The following RALYL variants were observed in gnomAD, a reference collection of about 807,000 sequenced individuals.
RALYL encodes the protein RNA-binding Raly-like protein.
Under a neutral mutation model 35.1 loss-of-function variants are expected in RALYL, and 29 were observed. The ratio of observed to expected loss-of-function variants is 0.83; its 90% CI spans 0.61 to 1.13. The LOEUF (loss-of-function observed/expected upper bound fraction) is 1.13. RALYL is among the 50% of genes most tolerant of loss of function. RALYL has a pLI of 0.00. For synonymous variants in RALYL, 120 were observed against 127.6 expected (o/e 0.94, Z 0.40); for missense variants, 359 against 360.4 (o/e 1.00, Z 0.03).
intron 1 of RALYL, among the ~76,000 whole-genome samples, chr8:84,375,488 C>T (rs2131517267): frequency 6.6e-6 from 1 of 151,642 alleles, no homozygotes; most frequent in South Asian, 2.1e-4. Flanking sequence ...TATTTTATAC[C>T]TAATTTAATA....
intron 4 of RALYL, among the ~76,000 whole-genome samples, chr8:84,826,639 A>G (rs1217133035): frequency 6.6e-6 from 1 of 152,062 alleles, no homozygotes; most frequent in East Asian, 1.9e-4. Context: ...TTGACATTTG[A>G]CATGCCCAGT....
intron 2 of RALYL, among the ~76,000 whole-genome samples, chr8:84,631,840 T>C (rs1823973968): frequency 6.6e-6 from 1 of 151,966 alleles, no homozygotes; most frequent in Non-Finnish European, 1.5e-5. Flanking sequence ...CACAAAATTA[T>C]TTGTATGATT....
intron 7 of RALYL, among the ~76,000 whole-genome samples, chr8:84,878,345 T>C (rs905452881): frequency 3.9e-5 from 6 of 152,132 alleles, no homozygotes; most frequent in Admixed American, 1.3e-4. Flanking sequence ...TAGAAGAGTC[T>C]TCAGTTGAGA....
chr8:84,258,959 G>T (rs760157213), intron 1 of RALYL, among the ~76,000 whole-genome samples: 49 of 152,106 alleles, frequency 3.2e-4, no homozygotes, highest in Non-Finnish European at 5.7e-4. Flanking sequence ...CATATTGAAA[G>T]ACATTAATTT....
chr8:84,659,439 A>G (rs1830514579), intron 2 of RALYL, among the ~76,000 whole-genome samples: 1 of 152,084 alleles, frequency 6.6e-6, no homozygotes, highest in African/African-American at 2.4e-5. Context: ...ACCCCTGAAG[A>G]GTGAGCCTTT....
intron 2 of RALYL, among the ~76,000 whole-genome samples, chr8:84,572,200 G>T (rs1354283138): frequency 1.3e-5 from 2 of 150,922 alleles, no homozygotes; most frequent in Admixed American, 6.6e-5. Flanking sequence ...AGATGTTTGG[G>T]TCTTGTTTTT....
chr8:84,306,989 TG>T (rs1563704211), intron 1 of RALYL, among the ~76,000 whole-genome samples: 1 of 151,946 alleles, frequency 6.6e-6, no homozygotes, highest in Admixed American at 6.6e-5. Flanking sequence ...GGAGTGGATG[TG>T]GGGGGAATGA....
At chr8:84,253,479 C>T (rs535390269) in intron 1 of RALYL, among the ~76,000 whole-genome samples, 114 of 151,470 alleles carry the variant, frequency 7.5e-4, no homozygotes, top group African/African-American at 2.6e-3. Context: ...GGATTACAGG[C>T]GTGAGCCACT....
chr8:84,820,382 C>G (rs112408200), intron 4 of RALYL, among the ~76,000 whole-genome samples: 13 of 152,132 alleles, frequency 8.5e-5, no homozygotes, highest in Non-Finnish European at 1.5e-4. Flanking sequence ...TGCATAAGCT[C>G]TCACTCATGG....
chr8:84,428,077 G>GTGTCTC (rs2046703379), intron 1 of RALYL, among the ~76,000 whole-genome samples: 1 of 129,324 alleles, frequency 7.7e-6, no homozygotes, highest in Non-Finnish European at 1.7e-5. Context: ...CTTGCTCGCT[G>GTGTCTC]TCTCTCTCTC....
At chr8:84,487,496 A>G in intron 1 of RALYL, among the ~76,000 whole-genome samples, 1 of 152,096 alleles carries the variant, frequency 6.6e-6, no homozygotes, top group East Asian at 1.9e-4. Flanking sequence ...GGTTAATAGA[A>G]AAAGTCCTTT....
At chr8:84,818,254 A>C (rs1376276785) in intron 4 of RALYL, among the ~76,000 whole-genome samples, 1 of 152,188 alleles carries the variant, frequency 6.6e-6, no homozygotes. Context: ...TGAAAGAGGG[A>C]AAGCAATACT....
chr8:84,788,126 T>G (rs1392875465), intron 3 of RALYL, among the ~76,000 whole-genome samples: 1 of 152,232 alleles, frequency 6.6e-6, no homozygotes, highest in African/African-American at 2.4e-5. Context: ...TGCCTAGTTT[T>G]TCTCCTAGGG....
intron 4 of RALYL, among the ~76,000 whole-genome samples, chr8:84,822,807 C>G (rs908198987): frequency 6.6e-6 from 1 of 152,092 alleles, no homozygotes; most frequent in African/African-American, 2.4e-5. Context: ...AACTACAAAT[C>G]AGGGGTTAAA....
chr8:84,446,991 T>C (rs114604081), intron 1 of RALYL, among the ~76,000 whole-genome samples: 154 of 152,230 alleles, frequency 1.0e-3, no homozygotes, highest in African/African-American at 3.4e-3. Context: ...TCAAAAAATA[T>C]AGGCTGCAAA....
intron 1 of RALYL, among the ~76,000 whole-genome samples, chr8:84,333,740 C>T (rs1036153218): frequency 6.6e-5 from 10 of 152,152 alleles, no homozygotes; most frequent in African/African-American, 2.4e-4. Flanking sequence ...GACTGTAATC[C>T]CAGTTTTTGG....
At chr8:84,345,539 T>G (rs1472552716) in intron 1 of RALYL, among the ~76,000 whole-genome samples, 1 of 152,064 alleles carries the variant, frequency 6.6e-6, no homozygotes, top group Non-Finnish European at 1.5e-5. Flanking sequence ...CTGTAAGTAG[T>G]TAATGGATTT....
chr8:84,193,806 G>A (rs575767366), intron 1 of RALYL, among the ~76,000 whole-genome samples: 1 of 152,290 alleles, frequency 6.6e-6, no homozygotes, highest in African/African-American at 2.4e-5. Context: ...ATGGGTTAAG[G>A]AAACAGTTGA....
At chr8:84,649,844 G>T (rs1326811259) in intron 2 of RALYL, among the ~76,000 whole-genome samples, 3 of 151,968 alleles carry the variant, frequency 2.0e-5, no homozygotes. Flanking sequence ...TGATGGGGAT[G>T]GCATTGAATC....
Sources: allele counts gnomAD v4.1 joint callset (sites outside exome capture counted in the v4.1 genomes callset), GRCh38; gene constraint gnomAD v4.1.1; transcripts MANE v1.5; gene names NCBI Gene and HGNC (gene_info 2026-07-23, HGNC 2026-07-21).